The following GLUD1 variants were observed in gnomAD, a reference collection of about 807,000 sequenced individuals.
GLUD1 encodes the protein glutamate dehydrogenase 1, also known as glutamate dehydrogenase 1, mitochondrial.
Under a neutral mutation model 56.0 loss-of-function variants are expected in GLUD1, and 22 were observed. The ratio of observed to expected loss-of-function variants is 0.39; its 90% CI spans 0.28 to 0.56. The LOEUF (loss-of-function observed/expected upper bound fraction) is 0.56. GLUD1 is among the 20% of genes least tolerant of loss of function. GLUD1 has a pLI of 0.58. For missense variants in GLUD1, 451 were observed against 732.0 expected (o/e 0.62, Z 4.43); for synonymous variants, 223 against 269.9 (o/e 0.83, Z 1.70).
intron 11 of GLUD1, among the ~76,000 whole-genome samples, chr10:87,057,381 G>A (rs781450084): frequency 1.3e-5 from 2 of 152,104 alleles, no homozygotes; most frequent in Non-Finnish European, 2.9e-5. Flanking sequence ...TCAATCTAAT[G>A]CTTGCTTTTC....
intron 4 of GLUD1, among the ~76,000 whole-genome samples, chr10:87,070,241 C>T (rs1263208451): frequency 1.3e-5 from 2 of 151,356 alleles, no homozygotes; most frequent in Non-Finnish European, 2.9e-5. Flanking sequence ...TGGCTTGAGT[C>T]CAGGAATTTG....
chr10:87,093,446 C>T (rs1841585761), intron 1 of GLUD1, among the ~76,000 whole-genome samples: 1 of 152,216 alleles, frequency 6.6e-6, no homozygotes, highest in South Asian at 2.1e-4. Context: ...AATCTGACTA[C>T]AGAGGCCAAA....
intron 1 of GLUD1, among the ~76,000 whole-genome samples, chr10:87,083,815 CTA>C (rs1491559563): frequency 1.7e-5 from 1 of 58,468 alleles, no homozygotes; most frequent in Non-Finnish European, 3.5e-5. Flanking sequence ...GATCCCATCT[CTA>C]CACACACACA....
chr10:87,093,294 T>C (rs1841574015), intron 1 of GLUD1, among the ~76,000 whole-genome samples: 1 of 152,208 alleles, frequency 6.6e-6, no homozygotes, highest in South Asian at 2.1e-4. Context: ...ACAAGACTCC[T>C]CGCCTCCCTG....
chr10:87,078,459 T>A, intron 1 of GLUD1, among the ~76,000 whole-genome samples: 2 of 152,348 alleles, frequency 1.3e-5, no homozygotes, highest in African/African-American at 4.8e-5. Flanking sequence ...GCATTATACA[T>A]GTGTTTATTA....
intron 11 of GLUD1, among the ~76,000 whole-genome samples, chr10:87,057,001 C>T (rs1020468193): frequency 1.4e-5 from 2 of 145,126 alleles, no homozygotes; most frequent in Non-Finnish European, 1.5e-5. Context: ...AGGGGGGTGG[C>T]GGCGGCGGGA....
chr10:87,082,348 G>A (rs1841283606), intron 1 of GLUD1, among the ~76,000 whole-genome samples: 1 of 152,166 alleles, frequency 6.6e-6, no homozygotes, highest in Non-Finnish European at 1.5e-5. Flanking sequence ...GACATGTTCC[G>A]CTGGATGGAA....
chr10:87,087,042 C>T (rs930581099), intron 1 of GLUD1, among the ~76,000 whole-genome samples: 4 of 152,156 alleles, frequency 2.6e-5, no homozygotes, highest in African/African-American at 9.7e-5. Flanking sequence ...ACTTCAGATG[C>T]CAGTTCCAAG....
At chr10:87,070,805 C>G (rs768412350) in intron 4 of GLUD1, among the ~76,000 whole-genome samples, 5 of 152,052 alleles carry the variant, frequency 3.3e-5, no homozygotes, top group Middle Eastern at 3.2e-3. Context: ...CTACTCCATA[C>G]AAAACTAATG....
intron 4 of GLUD1, among the ~76,000 whole-genome samples, chr10:87,073,610 C>CTTTTT (rs71019462): frequency 4.0e-5 from 3 of 74,140 alleles, no homozygotes; most frequent in South Asian, 4.3e-4. Flanking sequence ...AATTAACATT[C>CTTTTT]TTTTTTTTTT....
At chr10:87,052,160 G>C (rs1434470497) in intron 12 of GLUD1, among the ~76,000 whole-genome samples, 3 of 152,064 alleles carry the variant, frequency 2.0e-5, no homozygotes, top group African/African-American at 4.8e-5. Flanking sequence ...GACCGGACTT[G>C]CCAACATGGT....
At chr10:87,059,557 T>C (rs1450068761) in intron 9 of GLUD1, among the ~76,000 whole-genome samples, 1 of 152,198 alleles carries the variant, frequency 6.6e-6, no homozygotes, top group East Asian at 1.9e-4. Flanking sequence ...TACCAGAAGT[T>C]AGTTCTCAGA....
At position 87,094,221 on chromosome 10, in the gene GLUD1, C is replaced by A. The variant is rs1183509986; in HGVS notation, c.445+104G>T. On this transcript the variant is annotated intron_variant, in intron 1 of 12. Coordinates refer to ENST00000277865, the MANE Select transcript of GLUD1 (RefSeq NM_005271.5). This position sits in a 1 kb window ranked among gnomAD's most constrained non-coding sequence, Gnocchi z 6.6. ...CGGGCGGGGACCCGGCCCGCTCCAGCTGGGCTGGGCTGGGCTGAGCAGCGG... is the reference window on the plus strand; with the variant it reads ...CGGGCGGGGACCCGGCCCGCTCCAGATGGGCTGGGCTGGGCTGAGCAGCGG... The A allele has an allele frequency of 7.0e-7, 1 of 1,430,784 alleles. No homozygotes were observed. Among genetic ancestry groups the A allele is most frequent in the East Asian group, 2.5e-5 (1 of 39,958 alleles). The allele number at this position is 1,430,784 out of a possible 1,614,324, so 88.6% of individuals were successfully genotyped here.
chr10:87,054,419 TG>T (rs2133779802), intron 11 of GLUD1, among the ~76,000 whole-genome samples: 1 of 152,034 alleles, frequency 6.6e-6, no homozygotes, highest in African/African-American at 2.4e-5. Context: ...TGAGAAGAAA[TG>T]TTTAGTGAGG....
intron 5 of GLUD1, among the ~76,000 whole-genome samples, chr10:87,064,522 A>AC (rs1276348496): frequency 1.3e-5 from 2 of 152,242 alleles, no homozygotes; most frequent in African/African-American, 4.8e-5. Flanking sequence ...AAAATGCCCT[A>AC]CTTCACACCA....
At chr10:87,093,930 C>T (rs1052122247) in intron 1 of GLUD1, 1 of 1,352,058 alleles carries the variant, frequency 7.4e-7, no homozygotes, top group African/African-American at 1.5e-5. Context: ...AGGGGAGACT[C>T]ACAAAAGCCC....
At chr10:87,085,024 A>G (rs570563629) in intron 1 of GLUD1, among the ~76,000 whole-genome samples, 1 of 152,232 alleles carries the variant, frequency 6.6e-6, no homozygotes, top group Non-Finnish European at 1.5e-5. Context: ...CATGGGAAGG[A>G]GCACTGCATA....
At chr10:87,090,858 T>C (rs1841494774) in intron 1 of GLUD1, among the ~76,000 whole-genome samples, 1 of 152,148 alleles carries the variant, frequency 6.6e-6, no homozygotes, top group Admixed American at 6.5e-5. Flanking sequence ...GTCAGAAACA[T>C]TTTTTCCCCC....
chr10:87,088,939 C>A (rs967345146), intron 1 of GLUD1, among the ~76,000 whole-genome samples: 4 of 152,292 alleles, frequency 2.6e-5, no homozygotes, highest in Admixed American at 2.6e-4. Context: ...GTCTTCAAAC[C>A]TCTTTTGATG....
Sources: allele counts gnomAD v4.1 joint callset (sites outside exome capture counted in the v4.1 genomes callset), GRCh38; gene constraint gnomAD v4.1.1; non-coding constraint Gnocchi (gnomAD v3.1); transcripts MANE v1.5; gene names NCBI Gene and HGNC (gene_info 2026-07-23, HGNC 2026-07-21).